Variants in PDE4D observed in about 807,000 individuals in gnomAD.
The protein encoded by PDE4D is 3',5'-cyclic-AMP phosphodiesterase 4D.
PDE4D carries 24 observed loss-of-function variants against 87.4 expected under a neutral mutation model. That is an observed-to-expected ratio of 0.27 (90% CI 0.20 to 0.39). PDE4D has a LOEUF of 0.39. Ranked by LOEUF, PDE4D falls within the 10% of genes least tolerant of loss-of-function variation. The pLI, the probability that PDE4D is intolerant of heterozygous loss-of-function variation, is 1.00. For missense variants in PDE4D, 714 were observed against 1,041.0 expected (o/e 0.69, Z 4.32); for synonymous variants, 384 against 383.2 (o/e 1.00, Z -0.02).
intron 1 of PDE4D, among the ~76,000 whole-genome samples, chr5:59,512,352 C>T (rs867421488): frequency 9.2e-5 from 14 of 152,128 alleles, no homozygotes; most frequent in African/African-American, 2.9e-4. Flanking sequence ...ACTTGTAGCA[C>T]GCATGTCTAA....
intron 1 of PDE4D, among the ~76,000 whole-genome samples, chr5:59,297,130 T>C (rs1377461679): frequency 6.6e-6 from 1 of 152,142 alleles, no homozygotes; most frequent in Non-Finnish European, 1.5e-5. Context: ...AATTAAGGGC[T>C]AGCAAAATCT....
intron 6 of PDE4D, chr5:58,999,539 T>C: frequency 6.7e-7 from 1 of 1,502,464 alleles, no homozygotes. Flanking sequence ...TCAGGCATTT[T>C]TGATTGATTA....
intron 3 of PDE4D, among the ~76,000 whole-genome samples, chr5:59,192,995 A>G (rs907514993): frequency 6.6e-6 from 1 of 152,194 alleles, no homozygotes; most frequent in South Asian, 2.1e-4. Context: ...TCATGTTATC[A>G]CCTGCTTGCA....
At chr5:60,348,459 C>A (rs1758911072) in intron 1 of PDE4D, among the ~76,000 whole-genome samples, 1 of 151,238 alleles carries the variant, frequency 6.6e-6, no homozygotes, top group Non-Finnish European at 1.5e-5. Flanking sequence ...TTAAAAAAAA[C>A]TCAAGTATGG....
chr5:59,930,689 A>T (rs1468893278), intron 3 of PDE4D, among the ~76,000 whole-genome samples: 1 of 152,190 alleles, frequency 6.6e-6, no homozygotes, highest in Non-Finnish European at 1.5e-5. Flanking sequence ...CTGTGCTAAG[A>T]AAGGGGAAGA....
intron 1 of PDE4D, chr5:59,529,066 T>C (rs1180139393): frequency 2.3e-5 from 11 of 470,006 alleles, no homozygotes; most frequent in Non-Finnish European, 2.1e-5. Flanking sequence ...CCTTAATTCG[T>C]TGGACCTATG....
chr5:59,308,149 G>T (rs1339902202), intron 1 of PDE4D, among the ~76,000 whole-genome samples: 4 of 150,740 alleles, frequency 2.7e-5, no homozygotes, highest in Non-Finnish European at 5.9e-5. Context: ...CTCATAGGTG[G>T]GAATTGAACA....
chr5:59,207,042 G>A (rs545343479), intron 2 of PDE4D, among the ~76,000 whole-genome samples: 63 of 152,070 alleles, frequency 4.1e-4, no homozygotes, highest in African/African-American at 1.2e-3. Flanking sequence ...AAAATTAGCC[G>A]GGTGTGGTAG....
intron 1 of PDE4D, among the ~76,000 whole-genome samples, chr5:60,282,638 A>G (rs1287398025): frequency 6.6e-6 from 1 of 152,138 alleles, no homozygotes; most frequent in East Asian, 1.9e-4. Flanking sequence ...GCCCAGCTGG[A>G]TAATCCAGGA....
chr5:59,215,900 C>G lies in PDE4D; in HGVS notation c.524G>C (p.Gly175Ala), dbSNP rs2153506187. 2 of 1,613,530 alleles carry G rather than the reference C, an allele frequency of 1.2e-6. No homozygotes were observed. The highest frequency in any genetic ancestry group is 1.7e-6 in the Non-Finnish European group (2 of 1,179,586). Residue 175 changes from glycine (G) to alanine (A), a missense_variant, in exon 2 of 15, where the codon GGG becomes GCG. Around this residue, in one of 7 missense-constraint regions of PDE4D, gnomAD observed 268 missense variants for 272.9 expected, o/e 0.98. Transcript: ENST00000340635. ...PLDPMTSPGSGLILQANFVHS... is the reference protein window; with the variant it reads ...PLDPMTSPGSALILQANFVHS... ...GACAAAATTTGCTTGGAGAATTAGCCCGGATCCTGGGCTGGTCATGGGATC... is the reference window on the plus strand; with the variant it reads ...GACAAAATTTGCTTGGAGAATTAGCGCGGATCCTGGGCTGGTCATGGGATC...
intron 2 of PDE4D, among the ~76,000 whole-genome samples, chr5:60,157,586 G>T (rs923491226): frequency 2.6e-5 from 4 of 152,132 alleles, no homozygotes; most frequent in Non-Finnish European, 5.9e-5. Flanking sequence ...TAAATATTCT[G>T]TTCATTTCCT....
intron 1 of PDE4D, among the ~76,000 whole-genome samples, chr5:59,451,967 C>T (rs1799229614): frequency 6.6e-6 from 1 of 152,204 alleles, no homozygotes; most frequent in Non-Finnish European, 1.5e-5. Flanking sequence ...TGCACATGAT[C>T]TAGAAAAACC....
chr5:59,172,224 T>C (rs1390796375), intron 5 of PDE4D, among the ~76,000 whole-genome samples: 2 of 116,976 alleles, frequency 1.7e-5, no homozygotes, highest in Middle Eastern at 3.9e-3. Context: ...ATATAATAAA[T>C]ATATAATAAA....
chr5:60,037,406 T>C (rs1365328186), intron 2 of PDE4D, among the ~76,000 whole-genome samples: 1 of 152,232 alleles, frequency 6.6e-6, no homozygotes, highest in Admixed American at 6.5e-5. Flanking sequence ...TTCCCTTAAT[T>C]TGCTTCAGTT....
At chr5:60,057,065 G>A (rs560239792) in intron 2 of PDE4D, among the ~76,000 whole-genome samples, 5 of 152,036 alleles carry the variant, frequency 3.3e-5, no homozygotes, top group African/African-American at 9.6e-5. Context: ...CCTACATTAA[G>A]GCAAATAAAA....
chr5:60,269,256 G>A (rs563342392), intron 1 of PDE4D, among the ~76,000 whole-genome samples: 8 of 152,294 alleles, frequency 5.3e-5, no homozygotes, highest in South Asian at 2.1e-4. Flanking sequence ...GCAGTGAGCC[G>A]AAATCGTGCC....
At chr5:60,114,840 A>G (rs1777992880) in intron 2 of PDE4D, among the ~76,000 whole-genome samples, 1 of 152,094 alleles carries the variant, frequency 6.6e-6, no homozygotes, top group Non-Finnish European at 1.5e-5. Flanking sequence ...TTATATGTAT[A>G]TGTGTGTATA....
At chr5:59,958,836 T>C (rs1031207000) in intron 3 of PDE4D, among the ~76,000 whole-genome samples, 6 of 152,074 alleles carry the variant, frequency 3.9e-5, no homozygotes, top group African/African-American at 1.4e-4. Flanking sequence ...ACGGAAGTCC[T>C]AGTCAGAGCG....
chr5:60,495,876 T>C (rs1318518065), intron 1 of PDE4D, among the ~76,000 whole-genome samples: 1 of 152,216 alleles, frequency 6.6e-6, no homozygotes, highest in Non-Finnish European at 1.5e-5. Context: ...AAATTCCCAA[T>C]GTAAAAACAC....
Sources: gnomAD v4.1 joint callset for allele counts (sites outside exome capture counted in the v4.1 genomes callset) on GRCh38, gnomAD v4.1.1 for gene constraint, gnomAD v4.1.1 regional missense constraint, MANE v1.5 for transcripts, NCBI Gene and HGNC (gene_info 2026-07-23, HGNC 2026-07-21) for gene names.